Variants in TFEC observed in about 807,000 individuals in gnomAD.
The protein encoded by TFEC is class E basic helix-loop-helix protein 34.
In TFEC, 31 loss-of-function variants were observed where a neutral mutation model predicts 41.6. The ratio of observed to expected loss-of-function variants is 0.74; its 90% CI spans 0.56 to 1.01. The LOEUF (loss-of-function observed/expected upper bound fraction) is 1.01, where lower values mean the gene tolerates loss of function less well. Ranked by LOEUF, TFEC falls within the 50% of genes least tolerant of loss-of-function variation. TFEC has a pLI of 0.00. For missense variants in TFEC, 402 were observed against 404.1 expected (o/e 0.99, Z 0.04); for synonymous variants, 143 against 140.6 (o/e 1.02, Z -0.12).
intron 1 of TFEC, among the ~76,000 whole-genome samples, chr7:115,993,379 A>G (rs1348757895): frequency 2.0e-5 from 3 of 152,210 alleles, no homozygotes; most frequent in Non-Finnish European, 4.4e-5. Flanking sequence ...GGAGAAAGAA[A>G]TAAAGGGTAT....
chr7:115,957,106 G>A (rs1008100690), intron 3 of TFEC, among the ~76,000 whole-genome samples: 1 of 151,832 alleles, frequency 6.6e-6, no homozygotes, highest in Non-Finnish European at 1.5e-5. Context: ...CATATGACCT[G>A]GTTATAAATG....
intron 1 of TFEC, 81 bp downstream of exon 1, chr7:116,030,551 CA>C: frequency 1.2e-6 from 1 of 865,524 alleles, no homozygotes; most frequent in Non-Finnish European, 1.4e-6. Flanking sequence ...CCACACATAT[CA>C]AAATAAAACA....
upstream of TFEC, among the ~76,000 whole-genome samples, chr7:116,031,567 T>C (rs1329821097): frequency 6.6e-6 from 1 of 152,172 alleles, no homozygotes. Context: ...TACATGACTT[T>C]CTTGTCTTAC....
intron 1 of TFEC, among the ~76,000 whole-genome samples, chr7:115,990,936 C>T (rs1003497882): frequency 6.6e-5 from 10 of 152,072 alleles, no homozygotes; most frequent in Non-Finnish European, 1.5e-4. Context: ...TTGTGAGATT[C>T]GCCAAAGTTG....
chr7:115,960,319 T>C (rs1792472283), intron 3 of TFEC, among the ~76,000 whole-genome samples: 1 of 151,696 alleles, frequency 6.6e-6, no homozygotes, highest in African/African-American at 2.4e-5. Flanking sequence ...CATGAGGCCA[T>C]GATAAAATAT....
chr7:116,013,861 T>C lies in TFEC; in HGVS notation c.-73+16772A>G, dbSNP rs539820518. Among the ~76,000 whole-genome samples, 10 of 152,274 alleles carry C rather than the reference T, an allele frequency of 6.6e-5. No individual in the cohort carries two copies. The South Asian group carries it at 2.1e-3, about 32-fold the overall frequency. The stretch of plus-strand genomic sequence containing the variant: ...TGACATAGTCACTCATTACTTTTTG[T>C]TGTGTCTTGTGTTTCACTTTGTTTT... On this transcript the variant is annotated intron_variant, in intron 1 of 7. Transcript: ENST00000265440.
chr7:115,942,104 A>G (rs1434631896), intron 6 of TFEC, 64 bp from the exon 7 acceptor site: 13 of 1,468,112 alleles, frequency 8.9e-6, no homozygotes, highest in South Asian at 4.4e-5. Context: ...AAGAACTTAC[A>G]AAATCTTTTA....
At chr7:116,026,452 T>C (rs1206802796) in intron 1 of TFEC, among the ~76,000 whole-genome samples, 1 of 152,214 alleles carries the variant, frequency 6.6e-6, no homozygotes, top group Non-Finnish European at 1.5e-5. Flanking sequence ...ACCTTATCCA[T>C]CTTAGCATCC....
rs753770244 is a variant in TFEC at position 115,940,661 on chromosome 7, T to G, written c.934A>C (p.Thr312Pro). ...GGATCTGTTCCAAATGGAGAGATTG[T>G]GTCATCCAATAGCATGCCATCCAAT... is the stretch of plus-strand genomic sequence containing the variant. ...QRLDGMLLDD[T>P]ISPFGTDPLL... is the part of the protein sequence containing the mutation. The change falls in exon 8 of 8, where the codon ACA becomes CCA. Residue 312 changes from threonine to proline, a missense_variant. Transcript: ENST00000265440. 20 of 1,613,526 alleles carry G rather than the reference T, an allele frequency of 1.2e-5. No homozygotes were observed. The highest frequency in any genetic ancestry group is 1.7e-5 in the Admixed American group (1 of 59,932).
intron 6 of TFEC, among the ~76,000 whole-genome samples, chr7:115,949,859 T>C (rs957643422): frequency 1.4e-4 from 21 of 152,060 alleles, no homozygotes; most frequent in African/African-American, 4.8e-4. Flanking sequence ...TGGGATCTAA[T>C]TAAACTAAAG....
chr7:115,998,682 A>T (rs1794465232), intron 1 of TFEC, among the ~76,000 whole-genome samples: 1 of 152,026 alleles, frequency 6.6e-6, no homozygotes, highest in Non-Finnish European at 1.5e-5. Context: ...CAGTCATTAT[A>T]CTAATAATAG....
chr7:116,121,810 T>A (rs1798112872), intron 1 of TFEC, among the ~76,000 whole-genome samples: 1 of 152,022 alleles, frequency 6.6e-6, no homozygotes, highest in Non-Finnish European at 1.5e-5. Flanking sequence ...CTCAAATTCC[T>A]TTGATCCTTG....
At chr7:115,955,127 C>T (rs748067513) in intron 4 of TFEC, among the ~76,000 whole-genome samples, 33 of 152,018 alleles carry the variant, frequency 2.2e-4, no homozygotes, top group Non-Finnish European at 3.1e-4. Context: ...CTCAAATATC[C>T]ATATGAAACA....
chr7:116,098,947 C>A (rs1797540033), intron 3 of TFEC, among the ~76,000 whole-genome samples: 1 of 150,930 alleles, frequency 6.6e-6, no homozygotes, highest in Non-Finnish European at 1.5e-5. Context: ...AGATCAATAT[C>A]TTTCATAGAT....
chr7:116,050,225 T>C (rs1271218928), intron 3 of TFEC, among the ~76,000 whole-genome samples: 1 of 151,924 alleles, frequency 6.6e-6, no homozygotes, highest in Admixed American at 6.6e-5. Flanking sequence ...ACAAAATTGA[T>C]AGACAGCTAG....
intron 1 of TFEC, among the ~76,000 whole-genome samples, chr7:116,026,139 C>T (rs1795576016): frequency 1.3e-5 from 2 of 152,182 alleles, no homozygotes; most frequent in Non-Finnish European, 2.9e-5. Context: ...GGTCTGCCCC[C>T]ACCTTAACTC....
At chr7:116,150,221 C>G (rs1798732570) in intron 1 of TFEC, among the ~76,000 whole-genome samples, 1 of 152,102 alleles carries the variant, frequency 6.6e-6, no homozygotes, top group African/African-American at 2.4e-5. Context: ...GTATTTCTTA[C>G]TTAAAATTGC....
intron 3 of TFEC, among the ~76,000 whole-genome samples, chr7:116,095,546 C>A (rs1315201484): frequency 6.6e-6 from 1 of 152,210 alleles, no homozygotes; most frequent in Non-Finnish European, 1.5e-5. Flanking sequence ...ATCACTAAGA[C>A]TTTACTGTGA....
chr7:115,941,544 G>C (rs1178837123), intron 7 of TFEC: 1 of 264,600 alleles, frequency 3.8e-6, no homozygotes, highest in African/African-American at 2.2e-5. Flanking sequence ...ATTTGATTAG[G>C]ATAATAATGT....
Sources: allele counts gnomAD v4.1 joint callset (sites outside exome capture counted in the v4.1 genomes callset), GRCh38; gene constraint gnomAD v4.1.1; transcripts MANE v1.5; gene names NCBI Gene and HGNC (gene_info 2026-07-23, HGNC 2026-07-21).